The following CLN6 variants were observed in gnomAD, a reference collection of about 807,000 sequenced individuals.
The protein encoded by CLN6 is CLN6 transmembrane ER protein.
In CLN6, 22 loss-of-function variants were observed where a neutral mutation model predicts 33.3. The ratio of observed to expected loss-of-function variants is 0.66; its 90% CI spans 0.47 to 0.94. The LOEUF (loss-of-function observed/expected upper bound fraction) is 0.94. Among genes scored for constraint, CLN6 ranks in the 40% least tolerant of loss-of-function variants. The pLI is 0.00. For synonymous variants in CLN6, 201 were observed against 174.6 expected, an observed-to-expected ratio of 1.15 and a Z score of -1.19; for missense variants, 387 against 417.1, an observed-to-expected ratio of 0.93 and a Z score of 0.63.
At position 68,220,101 on chromosome 15, in the gene CLN6, A is replaced by G. The variant is rs1355856200; in HGVS notation, c.84-1451T>C. ...AAGGATGATCCATACTGGCTGGTAG[A>G]GTACCCCAGGACAGGGAGGCAAGCT... On this transcript the variant is annotated intron_variant, in intron 1 of 6. Coordinates refer to ENST00000249806, the MANE Select transcript of CLN6 (RefSeq NM_017882.3). This position sits in a 1 kb window ranked among gnomAD's most constrained non-coding sequence, Gnocchi z 4.2. 2.0e-5 allele frequency among the ~76,000 whole-genome samples: 3 copies of G among 152,184 alleles called. No individual in the cohort carries two copies. Among genetic ancestry groups the G allele is most frequent in the African/African-American group, 7.2e-5 (3 of 41,446 alleles).
rs1277138695 is a variant in CLN6, at chr15:68,229,456, A to G, written c.83+46T>C. 6 of 1,391,590 alleles carry G rather than the reference A, an allele frequency of 4.3e-6. No individual in the cohort carries two copies. In the African/African-American group the frequency reaches 4.5e-5, roughly 10 times the overall value. The allele number at this position is 1,391,590 out of a possible 1,614,324, so 86.2% of individuals were successfully genotyped here. On this transcript the variant is annotated intron_variant, in intron 1 of 6. Transcript: ENST00000249806. ...GTCACGTGGCGGGTCCCGAGGCCCC[A>G]GCGCACAGGCGCCTAGCCCGCCCTC...
At chr15:68,226,271 A>C (rs1162575587) in intron 1 of CLN6, among the ~76,000 whole-genome samples, 1 of 149,818 alleles carries the variant, frequency 6.7e-6, no homozygotes, top group African/African-American at 2.5e-5. Flanking sequence ...GTGAGCTGAG[A>C]TCATGCCACT....
rs1892335830 is a variant in CLN6, at chr15:68,247,109, C to T, written c.179+9581G>A. The stretch of plus-strand genomic sequence containing the variant: ...AGGTGTTCTAAGCTCTGGAACAAAA[C>T]AAGGATGCCCACCTCCACTTTTATT... On this transcript the variant is annotated intron_variant, in intron 1 of 6. Coordinates refer to the CLN6 transcript ENST00000538696. The surrounding 1 kb of genome is among the most constrained non-coding windows in gnomAD (Gnocchi z 4.2). 6.6e-6 allele frequency among the ~76,000 whole-genome samples: 1 copy of T among 152,024 alleles called. No homozygotes were observed. Among genetic ancestry groups the T allele is most frequent in the Non-Finnish European group, 1.5e-5 (1 of 68,008 alleles).
chr15:68,251,032 T>C (rs1892373605), intron 1 of CLN6, among the ~76,000 whole-genome samples: 1 of 152,170 alleles, frequency 6.6e-6, no homozygotes, highest in African/African-American at 2.4e-5. Flanking sequence ...GTAAATACTA[T>C]AAACAAAATA....
At chr15:68,232,330 T>A (rs2093269629), upstream of CLN6, among the ~76,000 whole-genome samples, 1 of 152,126 alleles carries the variant, frequency 6.6e-6, no homozygotes, top group South Asian at 2.1e-4. This position sits in a 1 kb window ranked among gnomAD's most constrained non-coding sequence, Gnocchi z 4.7. Flanking sequence ...GCTAATTTTT[T>A]ATATTTTTAG....
chr15:68,235,982 G>T (rs1008483657), intron 1 of CLN6, among the ~76,000 whole-genome samples: 1 of 152,130 alleles, frequency 6.6e-6, no homozygotes, highest in Non-Finnish European at 1.5e-5. Context: ...CACATTTAGA[G>T]CCCTAAGCTT....
chr15:68,244,958 G>T (rs1567105432), intron 1 of CLN6, among the ~76,000 whole-genome samples: 1 of 149,896 alleles, frequency 6.7e-6, no homozygotes, highest in African/African-American at 2.5e-5. Context: ...GGACGCTGAG[G>T]CAGGAGAATC....
rs1041388710 is a variant in CLN6 at position 68,241,843 on chromosome 15, C to A, written c.179+14847G>T. On this transcript the variant is annotated intron_variant, in intron 1 of 6. Transcript: ENST00000538696. The surrounding 1 kb of genome is among the most constrained non-coding windows in gnomAD (Gnocchi z 4.2). ...TTCCAATTGTTTATTAGAGCCGAGG[C>A]AAACCTGGGCTTAAGAAATCATCTA... Among the ~76,000 whole-genome samples, 1 of 152,116 alleles carries A rather than the reference C, an allele frequency of 6.6e-6. No individual in the cohort carries two copies. Among genetic ancestry groups the A allele is most frequent in the Non-Finnish European group, 1.5e-5 (1 of 68,018 alleles).
At chr15:68,222,668 A>G (rs1047656874) in intron 1 of CLN6, among the ~76,000 whole-genome samples, 3 of 152,198 alleles carry the variant, frequency 2.0e-5, no homozygotes, top group African/African-American at 7.2e-5. Context: ...TGACGATGGC[A>G]GTTTTGTCAA....
At chr15:68,254,278 T>C (rs73427830) in intron 1 of CLN6, among the ~76,000 whole-genome samples, 8,362 of 152,146 alleles carry the variant, frequency 0.055, 752 homozygotes, top group African/African-American at 0.19. Flanking sequence ...GAAAGGGGCA[T>C]AGGGAGCATA....
At chr15:68,250,429 T>C (rs770651965) in intron 1 of CLN6, among the ~76,000 whole-genome samples, 1 of 151,862 alleles carries the variant, frequency 6.6e-6, no homozygotes, top group Non-Finnish European at 1.5e-5. Flanking sequence ...AAGACCATTC[T>C]GGTTAACCAA....
At position 68,217,795 on chromosome 15, in the gene CLN6, T is replaced by C. The variant is rs142413253; in HGVS notation, c.198+741A>G. Reference sequence around the variant, plus strand: ...GTCACACTGTGCCCCCACTACCAAATAATGACTTGATACCTGGTGATATCT... The same window carrying C: ...GTCACACTGTGCCCCCACTACCAAACAATGACTTGATACCTGGTGATATCT... On this transcript the variant is annotated intron_variant, in intron 2 of 6. Coordinates refer to ENST00000249806, the MANE Select transcript of CLN6 (RefSeq NM_017882.3). 3.3e-5 allele frequency among the ~76,000 whole-genome samples: 5 copies of C among 152,218 alleles called. No homozygotes were observed. The East Asian group carries it at 9.7e-4, about 29-fold the overall frequency.
rs2093196451 is a variant in CLN6, at chr15:68,208,980, G to A, written c.666-570C>T. 6.6e-6 allele frequency among the ~76,000 whole-genome samples: 1 copy of A among 152,190 alleles called. No homozygotes were observed. Among genetic ancestry groups the A allele is most frequent in the South Asian group, 2.1e-4 (1 of 4,832 alleles). ...TTGAGGGAGGCCTCCCATCAGAGAA[G>A]GGTCCAGTCCTGCCCCGACCCTGTC... On this transcript the variant is annotated intron_variant, in intron 6 of 6. Transcript: ENST00000249806. This position sits in a 1 kb window ranked among gnomAD's most constrained non-coding sequence, Gnocchi z 5.8.
In CLN6 at chr15:68,256,351, C is replaced by T. The variant is rs908479414; in HGVS notation, c.179+339G>A. Reference sequence around the variant, plus strand: ...TGAGAACTCCTGACCTCAAGTGATCCGCCTGCCTCTGCCTCCCAAAGTGCT... The same window carrying T: ...TGAGAACTCCTGACCTCAAGTGATCTGCCTGCCTCTGCCTCCCAAAGTGCT... On this transcript the variant is annotated intron_variant, in intron 1 of 6. Transcript: ENST00000538696. The surrounding 1 kb of genome is among the most constrained non-coding windows in gnomAD (Gnocchi z 4.1). 6.6e-6 allele frequency among the ~76,000 whole-genome samples: 1 copy of T among 152,092 alleles called. No individual in the cohort carries two copies. The highest frequency in any genetic ancestry group is 6.5e-5 in the Admixed American group (1 of 15,276).
At chr15:68,214,894 G>C (rs2093216448) in intron 2 of CLN6, 1 of 182,434 alleles carries the variant, frequency 5.5e-6, no homozygotes, top group Non-Finnish European at 1.2e-5. Flanking sequence ...GCTAGGCCCT[G>C]ATGTGGAGGG....
At chr15:68,223,197 C>T (rs1291741330) in intron 1 of CLN6, among the ~76,000 whole-genome samples, 1 of 151,488 alleles carries the variant, frequency 6.6e-6, no homozygotes, top group Non-Finnish European at 1.5e-5. Flanking sequence ...GGGAAGGGAG[C>T]CTCAAAGCAC....
In CLN6 at chr15:68,208,487, G is replaced by T; in HGVS notation, c.666-77C>A. ...CTGGCATCCCTTCCTGTGTGCGAGA[G>T]CCAGGCTGCCCTCCAGGCAGGCAGA... On this transcript the variant is annotated intron_variant, in intron 6 of 6. Transcript: ENST00000249806. This position sits in a 1 kb window ranked among gnomAD's most constrained non-coding sequence, Gnocchi z 5.8. 3 of 1,550,326 alleles carry T rather than the reference G, an allele frequency of 1.9e-6. No individual in the cohort carries two copies. The highest frequency in any genetic ancestry group is 1.8e-6 in the Non-Finnish European group (2 of 1,133,670).
chr15:68,218,644 G>A lies in CLN6; in HGVS notation c.90C>T (p.Gly30=), dbSNP rs1254460869. ...LGASFLQARH[G]SVSADEAART... Reference sequence around the variant, plus strand: ...GGGCAGCCTCATCAGCGCTCACAGAGCCATGCCTGGGAAGGAACCAGACGA... The same window carrying A: ...GGGCAGCCTCATCAGCGCTCACAGAACCATGCCTGGGAAGGAACCAGACGA... The change falls in exon 2 of 7, where the codon GGC becomes GGT. Residue 30 remains glycine (G), a synonymous_variant. Coordinates refer to ENST00000249806, the MANE Select transcript of CLN6 (RefSeq NM_017882.3). 2.5e-6 allele frequency: 4 copies of A among 1,612,552 alleles called. No homozygotes were observed. The highest frequency in any genetic ancestry group is 3.4e-6 in the Non-Finnish European group (4 of 1,179,198).
Position 68,211,808 on chromosome 15 carries a change from A to G in CLN6, c.353T>C (p.Ile118Thr). The G allele has an allele frequency of 6.2e-7, 1 of 1,613,904 alleles. No homozygotes were observed. The highest frequency in any genetic ancestry group is 8.5e-7 in the Non-Finnish European group (1 of 1,180,022). ...GATGCTGGCACCCATGATGAAGATGATGATGCTCACGTACGTGATGGAGCG... is the reference window on the plus strand; with the variant it reads ...GATGCTGGCACCCATGATGAAGATGGTGATGCTCACGTACGTGATGGAGCG... ...LPRSITYVSI[I>T]IFIMGASIHL... Residue 118 changes from isoleucine to threonine, a missense_variant, in exon 4 of 7, where the codon ATC becomes ACC. By Grantham distance (89) the Ile-to-Thr change is moderately conservative. Coordinates refer to ENST00000249806, the MANE Select transcript of CLN6 (RefSeq NM_017882.3). The surrounding 1 kb of genome is among the most constrained non-coding windows in gnomAD (Gnocchi z 5.9).
Sources: gnomAD v4.1 joint callset for allele counts (sites outside exome capture counted in the v4.1 genomes callset) on GRCh38, gnomAD v4.1.1 for gene constraint, Gnocchi (gnomAD v3.1) non-coding constraint, MANE v1.5 for transcripts, NCBI Gene and HGNC (gene_info 2026-07-23, HGNC 2026-07-21) for gene names.